NBPF15: variants seen among roughly 807,000 people sequenced by gnomAD.
NBPF15 encodes the protein NBPF family member NBPF15.
A neutral mutation model predicts 62.2 loss-of-function variants in NBPF15; 74 were observed. That is an observed-to-expected ratio of 1.19 (90% CI 0.99 to 1.44). The LOEUF is 1.44. NBPF15 is among the 40% of genes most tolerant of loss of function. The pLI is 0.00. For synonymous variants in NBPF15, 244 were observed against 209.7 expected (o/e 1.16, Z -1.41); for missense variants, 790 against 550.0 (o/e 1.44, Z -4.36).
At chr1:144,424,542 C>G (rs1668210600) in intron 20 of NBPF15, 148 bp downstream of exon 20, 7 of 630,110 alleles carry the variant, frequency 1.1e-5, no homozygotes, top group Non-Finnish European at 2.0e-5. Flanking sequence ...CCAGGTAGAA[C>G]TAGAGTTTCA....
intron 6 of NBPF15, among the ~76,000 whole-genome samples, chr1:144,445,582 A>G (rs1249015473): frequency 2.0e-5 from 3 of 149,820 alleles, no homozygotes; most frequent in Non-Finnish European, 4.4e-5. Context: ...TTCTTTTATA[A>G]TATTGCTATT....
At chr1:144,442,433 T>G (rs1354971363) in intron 6 of NBPF15, among the ~76,000 whole-genome samples, 1 of 144,588 alleles carries the variant, frequency 6.9e-6, no homozygotes. Flanking sequence ...TATATATATT[T>G]TTTTCTTTTT....
At chr1:144,439,086 G>T (rs1680917117) in intron 8 of NBPF15, among the ~76,000 whole-genome samples, 1 of 151,638 alleles carries the variant, frequency 6.6e-6, no homozygotes, top group Non-Finnish European at 1.5e-5. Flanking sequence ...TGGGTTCAAA[G>T]GATTCTCCTG....
intron 19 of NBPF15, among the ~76,000 whole-genome samples, 197 bp from the exon 20 acceptor site, chr1:144,425,059 G>GACACACACACACAC (rs199782361): frequency 2.2e-5 from 2 of 92,818 alleles, no homozygotes; most frequent in African/African-American, 5.0e-5. Flanking sequence ...AAGACAGATA[G>GACACACACACACAC]ACACACACAC....
intron 6 of NBPF15, 105 bp from the exon 7 acceptor site, chr1:144,440,400 A>T: frequency 1.6e-6 from 1 of 623,238 alleles, no homozygotes; most frequent in Non-Finnish European, 2.7e-6. Flanking sequence ...CCCTAGTCTC[A>T]CCTGAGGGTC....
intron 6 of NBPF15, among the ~76,000 whole-genome samples, chr1:144,445,354 TACACACACAC>T (rs57409765): frequency 8.6e-5 from 9 of 104,478 alleles, no homozygotes; most frequent in Non-Finnish European, 1.4e-4. Flanking sequence ...TATATATATA[TACACACACAC>T]ACACACACAC....
At chr1:144,447,891 G>C (rs1320846499) in intron 6 of NBPF15, among the ~76,000 whole-genome samples, 1 of 152,012 alleles carries the variant, frequency 6.6e-6, no homozygotes, top group Non-Finnish European at 1.5e-5. Context: ...AGACTGCCAG[G>C]CTGAGGGAAG....
chr1:144,436,562 T>G (rs1391055906), intron 10 of NBPF15, among the ~76,000 whole-genome samples: 37 of 152,032 alleles, frequency 2.4e-4, no homozygotes, highest in Non-Finnish European at 4.3e-4. Context: ...AAAGACAGCC[T>G]GGGAATCTTC....
intron 3 of NBPF15, among the ~76,000 whole-genome samples, chr1:144,459,048 A>G (rs1228485163): frequency 6.6e-6 from 1 of 151,372 alleles, no homozygotes; most frequent in African/African-American, 2.4e-5. Context: ...TGAAAAAAAA[A>G]AAGAAATGCA....
rs1337960576 is a variant in NBPF15 at position 144,442,306 on chromosome 1, A to T, written c.-190-2011T>A. Among the ~76,000 whole-genome samples, 5 of 128,708 alleles carry T rather than the reference A, an allele frequency of 3.9e-5. No individual in the cohort carries two copies. In the East Asian group the frequency reaches 1.1e-3, roughly 28 times the overall value. 84.4% of individuals were successfully genotyped at this position (128,708 alleles called of 152,430 possible). On this transcript the variant is annotated intron_variant, in intron 6 of 21. Transcript: ENST00000581897. ...GTGTATATATTATATATATATATAC[A>T]CGTGTATATATTATATATATATACA...
At chr1:144,453,643 A>C (rs1553546068) in intron 4 of NBPF15, among the ~76,000 whole-genome samples, 2 of 111,558 alleles carry the variant, frequency 1.8e-5, no homozygotes, top group Non-Finnish European at 3.5e-5. Flanking sequence ...CAAAGCAAAA[A>C]AAAAAAAAAA....
chr1:144,459,575 AG>A (rs1274290705), intron 2 of NBPF15, 92 bp from the exon 3 acceptor site: 10 of 151,814 alleles, frequency 6.6e-5, no homozygotes, highest in African/African-American at 2.4e-4. Context: ...GATTGAAAAA[AG>A]GGAAATGCAA....
At chr1:144,451,064 T>A (rs1294503794) in intron 4 of NBPF15, among the ~76,000 whole-genome samples, 194 bp from the exon 5 acceptor site, 10 of 151,958 alleles carry the variant, frequency 6.6e-5, no homozygotes, top group Admixed American at 2.0e-4. Context: ...TGAGTTCCCT[T>A]AGTATTTATT....
chr1:144,458,707 T>C (rs200342919), intron 3 of NBPF15, among the ~76,000 whole-genome samples: 1 of 151,846 alleles, frequency 6.6e-6, no homozygotes, highest in Non-Finnish European at 1.5e-5. Flanking sequence ...GTCTTTTCAA[T>C]AAATGGTGCT....
At position 144,423,107 on chromosome 1, in the gene NBPF15, A is replaced by T. The variant is rs782648318; in HGVS notation, c.1919T>A (p.Ile640Asn). The change falls in exon 22 of 22, where the codon ATC (isoleucine) becomes AAC (asparagine). Residue 640 changes from isoleucine to asparagine, a missense_variant. Ile to Asn is a moderately radical substitution (Grantham distance 149). Transcript: ENST00000581897. ...SVFYSFEEEH[I>N]SFALYVDNRF... is the part of the protein sequence containing the mutation. ...ATTGTCCACGTAAAGGGCGAAGCTG[A>T]TATGCTCTTCCTCAAATGAGTAAAA... The T allele has an allele frequency of 4.2e-5, 67 of 1,611,524 alleles. No individual in the cohort carries two copies. Among genetic ancestry groups the T allele is most frequent in the Non-Finnish European group, 5.2e-5 (61 of 1,179,648 alleles).
intron 17 of NBPF15, 90 bp downstream of exon 17, chr1:144,426,957 A>T (rs1670184927): frequency 1.5e-6 from 1 of 652,944 alleles, no homozygotes; most frequent in African/African-American, 1.9e-5. Flanking sequence ...TTCGTTGAAA[A>T]CATGAAATTG....
chr1:144,461,163 C>T lies in NBPF15; in HGVS notation c.-937-202G>A, dbSNP rs587617805. Among the ~76,000 whole-genome samples, 4 of 152,082 alleles carry T rather than the reference C, an allele frequency of 2.6e-5. No individual in the cohort carries two copies. The East Asian group carries it at 5.8e-4, about 22-fold the overall frequency. On this transcript the variant is annotated intron_variant, in intron 1 of 21. Coordinates refer to ENST00000581897, the MANE Select transcript of NBPF15 (RefSeq NM_001385408.1). ...GCTCGTCCCTCCACCCCCTGAGATG[C>T]CACAGAACACCCGCCAGCGAGTTTC...
rs1409811560 is a variant in NBPF15 at position 144,453,213 on chromosome 1, G to C, written c.-431-2343C>G. Among the ~76,000 whole-genome samples, 90 of 150,384 alleles carry C rather than the reference G, an allele frequency of 6.0e-4. No individual in the cohort carries two copies. The Middle Eastern group carries it at 0.014, about 23-fold the overall frequency. Reference sequence around the variant, plus strand: ...TACAGTCCACTGATCTTCCATGGAGGTTTAGAGACAATTTAAAACAGCAAA... The same window carrying C: ...TACAGTCCACTGATCTTCCATGGAGCTTTAGAGACAATTTAAAACAGCAAA... On this transcript the variant is annotated intron_variant, in intron 4 of 21. Transcript: ENST00000581897.
intron 18 of NBPF15, 51 bp downstream of exon 18, chr1:144,426,227 C>A: frequency 1.7e-6 from 1 of 579,024 alleles, no homozygotes; most frequent in South Asian, 2.0e-5. Context: ...AATATCACCC[C>A]TATCTGGAAG....
Sources: allele counts gnomAD v4.1 joint callset (sites outside exome capture counted in the v4.1 genomes callset), GRCh38; gene constraint gnomAD v4.1.1; transcripts MANE v1.5; gene names NCBI Gene and HGNC (gene_info 2026-07-23, HGNC 2026-07-21).